The following PGM5 variants were observed in gnomAD, a reference collection of about 807,000 sequenced individuals.
PGM5 encodes the protein phosphoglucomutase 5.
In PGM5, 23 loss-of-function variants were observed where a neutral mutation model predicts 59.2. That is an observed-to-expected ratio of 0.39 (90% CI 0.28 to 0.55). PGM5 has a LOEUF of 0.55. Among genes scored for constraint, PGM5 ranks in the 20% least tolerant of loss-of-function variants. PGM5 has a pLI of 0.66. For missense variants in PGM5, 574 were observed against 748.3 expected (o/e 0.77, Z 2.72); for synonymous variants, 214 against 286.0 (o/e 0.75, Z 2.54).
intron 7 of PGM5, among the ~76,000 whole-genome samples, chr9:68,479,041 G>T (rs1215960565): frequency 1.3e-5 from 2 of 152,020 alleles, no homozygotes; most frequent in Non-Finnish European, 2.9e-5. Flanking sequence ...CATCTACTTG[G>T]ATTCAAACTT....
chr9:68,478,471 T>C (rs573948405), intron 7 of PGM5, among the ~76,000 whole-genome samples: 1 of 152,326 alleles, frequency 6.6e-6, no homozygotes, highest in Admixed American at 6.5e-5. Flanking sequence ...ATTAATCTCC[T>C]AGGGCTGTCA....
intron 9 of PGM5, among the ~76,000 whole-genome samples, chr9:68,492,725 C>T (rs543113187): frequency 5.1e-4 from 77 of 152,276 alleles, no homozygotes; most frequent in Non-Finnish European, 9.9e-4. Flanking sequence ...CCTTGCTCAA[C>T]CACTTTTGGA....
At chr9:68,511,501 A>T (rs940102884) in intron 10 of PGM5, among the ~76,000 whole-genome samples, 2 of 149,124 alleles carry the variant, frequency 1.3e-5, no homozygotes, top group Admixed American at 6.7e-5. Flanking sequence ...CATGTGAATA[A>T]ATGTTCAATA....
chr9:68,468,111 C>T (rs1390090565), intron 7 of PGM5, among the ~76,000 whole-genome samples: 1 of 150,512 alleles, frequency 6.6e-6, no homozygotes. Context: ...GTTTGTGGTA[C>T]AGATTATTTC....
chr9:68,420,831 T>G (rs551783154), intron 6 of PGM5, among the ~76,000 whole-genome samples: 19 of 152,318 alleles, frequency 1.2e-4, no homozygotes, highest in African/African-American at 4.6e-4. Flanking sequence ...ATTTCCTTGT[T>G]TATAAAATGA....
At chr9:68,370,514 C>T (rs1264396961) in intron 1 of PGM5, among the ~76,000 whole-genome samples, 1 of 152,150 alleles carries the variant, frequency 6.6e-6, no homozygotes, top group East Asian at 1.9e-4. Flanking sequence ...CATACTAAAA[C>T]TAGTTTAGGA....
intron 6 of PGM5, among the ~76,000 whole-genome samples, chr9:68,413,785 C>T (rs1448374699): frequency 6.6e-6 from 1 of 152,318 alleles, no homozygotes; most frequent in East Asian, 1.9e-4. Context: ...AGGAACTCAT[C>T]TCTTAACAAA....
At chr9:68,514,152 T>G (rs1396656801) in intron 10 of PGM5, among the ~76,000 whole-genome samples, 1 of 152,200 alleles carries the variant, frequency 6.6e-6, no homozygotes, top group Non-Finnish European at 1.5e-5. Flanking sequence ...CTCAGGTGAT[T>G]CATGTGCACA....
rs1432551261 is a variant in PGM5 at position 68,357,282 on chromosome 9, T to C, written c.155T>C (p.Ile52Thr). The C allele has an allele frequency of 5.2e-6, 8 of 1,544,904 alleles. No individual in the cohort carries two copies. The African/African-American group carries it at 6.9e-5, about 13-fold the overall frequency. Residue 52 changes from isoleucine to threonine, a missense_variant, in exon 1 of 11, where the codon ATC (isoleucine) becomes ACC (threonine). Physicochemically the swap from Ile to Thr is moderately conservative, Grantham distance 89. Coordinates refer to ENST00000396396, the MANE Select transcript of PGM5 (RefSeq NM_021965.4). Reference protein sequence around the residue: ...PNFIQSVLSSIDLRDRQGCTM... With the variant: ...PNFIQSVLSSTDLRDRQGCTM... ...TTTATCCAGAGCGTGCTGTCGTCCATCGACCTGCGCGACCGTCAGGGCTGC... is the reference window on the plus strand; with the variant it reads ...TTTATCCAGAGCGTGCTGTCGTCCACCGACCTGCGCGACCGTCAGGGCTGC...
intron 6 of PGM5, among the ~76,000 whole-genome samples, chr9:68,458,521 A>C (rs1408864900): frequency 6.6e-6 from 1 of 152,210 alleles, no homozygotes; most frequent in Non-Finnish European, 1.5e-5. Context: ...TTTAAGTGAA[A>C]TGTCCAGTAC....
intron 6 of PGM5, among the ~76,000 whole-genome samples, chr9:68,416,136 CT>C (rs1249180223): frequency 6.6e-6 from 1 of 152,188 alleles, no homozygotes; most frequent in Non-Finnish European, 1.5e-5. Context: ...CACAAATGCT[CT>C]GCTTATCTGA....
chr9:68,483,865 G>A lies in PGM5; in HGVS notation c.1296G>A (p.Arg432=), dbSNP rs1006421617. The change falls in exon 9 of 11, where the codon AGG becomes AGA. Residue 432 remains arginine, a splice_region_variant and synonymous_variant. Coordinates refer to ENST00000396396, the MANE Select transcript of PGM5 (RefSeq NM_021965.4). Reference sequence around the variant, plus strand: ...TCTGTTCCTCCTGTGTCCTCACCAGGTTTGACTATGAGGGGTTGGATCCCA... The same window carrying A: ...TCTGTTCCTCCTGTGTCCTCACCAGATTTGACTATGAGGGGTTGGATCCCA... ...WAKFGRHYYC[R]FDYEGLDPKT... 6.2e-7 allele frequency: 1 copy of A among 1,613,862 alleles called. No homozygotes were observed. The highest frequency in any genetic ancestry group is 8.5e-7 in the Non-Finnish European group (1 of 1,179,890).
intron 6 of PGM5, among the ~76,000 whole-genome samples, chr9:68,462,930 C>T (rs1554685522): frequency 6.6e-6 from 1 of 151,890 alleles, no homozygotes; most frequent in East Asian, 1.9e-4. Flanking sequence ...GAAAATTTAC[C>T]TTTGCTGTAT....
chr9:68,522,208 G>A (rs1419693203), intron 10 of PGM5, among the ~76,000 whole-genome samples: 2 of 152,148 alleles, frequency 1.3e-5, no homozygotes, highest in Admixed American at 6.5e-5. Flanking sequence ...TGAGCCATCT[G>A]AGCCTTTTAT....
chr9:68,433,107 G>A (rs1554683151), intron 6 of PGM5, among the ~76,000 whole-genome samples: 1 of 152,102 alleles, frequency 6.6e-6, no homozygotes, highest in African/African-American at 2.4e-5. Flanking sequence ...TTCTAAACTT[G>A]TAGTTTCTAG....
intron 10 of PGM5, among the ~76,000 whole-genome samples, chr9:68,518,011 G>A (rs1824847660): frequency 6.6e-6 from 1 of 152,226 alleles, no homozygotes; most frequent in Non-Finnish European, 1.5e-5. Flanking sequence ...CCGGCATCAG[G>A]TCCAGGTGGA....
At chr9:68,361,285 C>T (rs1394253613) in intron 1 of PGM5, among the ~76,000 whole-genome samples, 2 of 152,180 alleles carry the variant, frequency 1.3e-5, no homozygotes, top group African/African-American at 4.8e-5. Context: ...GGAAAATACC[C>T]TCACTCTTTG....
At chr9:68,504,508 A>G (rs1427649715) in intron 10 of PGM5, among the ~76,000 whole-genome samples, 1 of 152,058 alleles carries the variant, frequency 6.6e-6, no homozygotes, top group Non-Finnish European at 1.5e-5. Flanking sequence ...GGTGAACATG[A>G]CGAGAATGCT....
At chr9:68,480,880 C>T (rs1358657040) in intron 8 of PGM5, among the ~76,000 whole-genome samples, 1 of 152,052 alleles carries the variant, frequency 6.6e-6, no homozygotes, top group Non-Finnish European at 1.5e-5. Context: ...AGTGTGGTTA[C>T]TTGCTAGGAG....
Sources: allele counts gnomAD v4.1 joint callset (sites outside exome capture counted in the v4.1 genomes callset), GRCh38; gene constraint gnomAD v4.1.1; transcripts MANE v1.5; gene names NCBI Gene and HGNC (gene_info 2026-07-23, HGNC 2026-07-21).